GFI1B: variants seen among roughly 807,000 people sequenced by gnomAD.
The protein encoded by GFI1B is growth factor independent 1B transcriptional repressor, also known as zinc finger protein Gfi-1b.
In GFI1B, 20 loss-of-function variants were observed where a neutral mutation model predicts 35.3. That is an observed-to-expected ratio of 0.57 (90% confidence interval 0.40 to 0.82). The LOEUF (loss-of-function observed/expected upper bound fraction) is 0.82, where lower values mean the gene tolerates loss of function less well. Ranked by LOEUF, GFI1B falls within the 40% of genes least tolerant of loss-of-function variation. The probability of loss-of-function intolerance (pLI) is 0.00; values close to 1 mark genes in which losing one functional copy is unlikely to be tolerated. For missense variants in GFI1B, 430 were observed against 446.3 expected (o/e 0.96, Z 0.33); for synonymous variants, 178 against 177.6 (o/e 1.00, Z -0.02).
intron 1 of GFI1B, among the ~76,000 whole-genome samples, chr9:132,964,987 C>T (rs781040481): frequency 3.6e-4 from 55 of 152,112 alleles, no homozygotes; most frequent in Middle Eastern, 3.4e-3. Flanking sequence ...CTTTTGCCTT[C>T]CTTTACCTCC....
intron 1 of GFI1B, among the ~76,000 whole-genome samples, chr9:132,963,112 A>AT (rs1477476017): frequency 6.9e-6 from 1 of 145,172 alleles, no homozygotes; most frequent in Non-Finnish European, 1.5e-5. Flanking sequence ...AAAGGAATCT[A>AT]TTTTTTCTCT....
intron 2 of GFI1B, 129 bp from the exon 3 acceptor site, chr9:132,987,153 C>G: frequency 9.6e-7 from 1 of 1,043,942 alleles, no homozygotes; most frequent in Non-Finnish European, 1.5e-6. Flanking sequence ...GGAGTGTGAG[C>G]CGCCAGAAGC....
At chr9:132,964,432 G>A (rs562738847) in intron 1 of GFI1B, among the ~76,000 whole-genome samples, 23 of 152,236 alleles carry the variant, frequency 1.5e-4, no homozygotes, top group Middle Eastern at 3.4e-3. Flanking sequence ...AATTCAAACT[G>A]AGAATATCAA....
chr9:132,992,708 G>A (rs1167078274), downstream of GFI1B, among the ~76,000 whole-genome samples: 1 of 152,046 alleles, frequency 6.6e-6, no homozygotes, highest in Non-Finnish European at 1.5e-5. Flanking sequence ...CTCTGATACC[G>A]AGCAACTCAG....
intron 1 of GFI1B, among the ~76,000 whole-genome samples, chr9:132,972,550 A>C (rs1266096334): frequency 6.6e-6 from 1 of 152,214 alleles, no homozygotes; most frequent in Non-Finnish European, 1.5e-5. Context: ...TGATGGAGCC[A>C]CTGCACTCCA....
In GFI1B at chr9:132,958,630, A is replaced by G. The variant is rs528556132; in HGVS notation, c.-701+12961A>G. On this transcript the variant is annotated intron_variant, in intron 1 of 10. Coordinates refer to the GFI1B transcript ENST00000339463. ...TCACCTCCCACCAGACCCCACCTCC[A>G]ATATTGGGGATTACATGTCAGCATG... is the stretch of plus-strand genomic sequence containing the variant. Among the ~76,000 whole-genome samples the G allele has an allele frequency of 5.9e-5, 9 of 152,266 alleles. No homozygotes were observed. In the South Asian group the frequency reaches 1.9e-3, roughly 32 times the overall value.
chr9:132,986,632 A>C, intron 1 of GFI1B, 27 bp from the exon 2 acceptor site: 4 of 1,186,470 alleles, frequency 3.4e-6, no homozygotes, highest in Non-Finnish European at 3.7e-6. Flanking sequence ...TGTCCTTCCT[A>C]ACCGCTCCCA....
downstream of GFI1B, among the ~76,000 whole-genome samples, chr9:132,992,007 T>C (rs1204762255): frequency 1.3e-5 from 2 of 152,104 alleles, no homozygotes; most frequent in South Asian, 4.1e-4. Flanking sequence ...TTCTCTTAAA[T>C]TCTAGAGGCC....
At chr9:132,969,707 A>G (rs1334834808) in intron 1 of GFI1B, among the ~76,000 whole-genome samples, 1 of 152,202 alleles carries the variant, frequency 6.6e-6, no homozygotes, top group East Asian at 1.9e-4. Flanking sequence ...CCTGTTTTCC[A>G]AATGAGCTTA....
rs187410245 is a variant in GFI1B at position 132,950,744 on chromosome 9, G to A, written c.-701+5075G>A. 6.8e-5 allele frequency among the ~76,000 whole-genome samples: 9 copies of A among 132,220 alleles called. No individual in the cohort carries two copies. The East Asian group carries it at 1.4e-3, about 21-fold the overall frequency. 86.7% of individuals were successfully genotyped at this position (132,220 alleles called of 152,430 possible). On this transcript the variant is annotated intron_variant, in intron 1 of 10. Coordinates refer to the GFI1B transcript ENST00000339463. ...TATACACTATACACTTTGGGTTTTT[G>A]AGATTTTGTTTAACAATGCCTTTTC...
At chr9:132,976,201 A>ATGAAACCATTAAAGATTTAATGG (rs576142956), upstream of GFI1B, among the ~76,000 whole-genome samples, 28 of 152,332 alleles carry the variant, frequency 1.8e-4, no homozygotes, top group South Asian at 4.1e-4. Context: ...GAGATAAACC[A>ATGAAACCATTAAAGATTTAATGG]TGAAACCATT....
At chr9:132,982,644 C>A (rs1426490055) in intron 1 of GFI1B, among the ~76,000 whole-genome samples, 1 of 151,688 alleles carries the variant, frequency 6.6e-6, no homozygotes, top group East Asian at 1.9e-4. Flanking sequence ...TCATGTCAAT[C>A]AAAACCAAGT....
Position 132,990,889 on chromosome 9 carries a change from T to C in GFI1B, c.832T>C (p.Cys278Arg). 1 of 1,614,208 alleles carries C rather than the reference T, an allele frequency of 6.2e-7. No homozygotes were observed. The highest frequency in any genetic ancestry group is 8.5e-7 in the Non-Finnish European group (1 of 1,180,018). The change falls in exon 7 of 7, where the codon TGC (cysteine) becomes CGC (arginine). Residue 278 changes from cysteine to arginine, a missense_variant. Cys to Arg is a radical substitution (Grantham distance 180). Transcript: ENST00000372122. ...YIHTGEKPHK[C>R]QVCGKAFSQS... is the part of the protein sequence containing the mutation. ...CCCTGCAGGTGAGAAGCCGCACAAG[T>C]GCCAGGTGTGCGGAAAGGCCTTCAG...
At chr9:132,965,584 C>A (rs1848439528) in intron 1 of GFI1B, among the ~76,000 whole-genome samples, 1 of 152,190 alleles carries the variant, frequency 6.6e-6, no homozygotes, top group Non-Finnish European at 1.5e-5. Context: ...TGTCCTGTGT[C>A]CTTGTATAAG....
Position 132,985,182 on chromosome 9 carries a change from G to A in GFI1B, c.-20-1477G>A, listed in dbSNP as rs542632634. Among the ~76,000 whole-genome samples the A allele has an allele frequency of 2.2e-4, 33 of 152,298 alleles. 1 individual carries two copies. In the South Asian group the frequency reaches 4.6e-3, roughly 21 times the overall value. On this transcript the variant is annotated intron_variant, in intron 1 of 6. Transcript: ENST00000372122. ...CCAGAAGATGCTCTCCAGAGTGCCC[G>A]GGGGAACCTCACAGGCTGAGTGCAG...
intron 1 of GFI1B, among the ~76,000 whole-genome samples, chr9:132,982,089 G>A (rs1056091828): frequency 2.0e-5 from 3 of 152,192 alleles, no homozygotes; most frequent in Non-Finnish European, 4.4e-5. Flanking sequence ...AGTCAAAAAG[G>A]TTCTCTGTAG....
At chr9:132,947,865 G>C (rs1437411233) in intron 1 of GFI1B, among the ~76,000 whole-genome samples, 2 of 151,636 alleles carry the variant, frequency 1.3e-5, no homozygotes, top group African/African-American at 4.9e-5. Context: ...TCAGAAGTGA[G>C]GTACAGAAAC....
chr9:132,987,474 T>C (rs1849116893), intron 3 of GFI1B, 55 bp downstream of exon 3: 1 of 1,605,096 alleles, frequency 6.2e-7, no homozygotes, highest in African/African-American at 1.3e-5. Flanking sequence ...GGAGGAAGGA[T>C]GAAGGGACTC....
rs1849072031 is a variant in GFI1B at position 132,986,621 on chromosome 9, T to G, written c.-20-38T>G. The G allele has an allele frequency of 2.9e-6, 3 of 1,032,534 alleles. No homozygotes were observed. In the Admixed American group the frequency reaches 5.8e-5, roughly 20 times the overall value. The allele number at this position is 1,032,534 out of a possible 1,614,324, so 64.0% of individuals were successfully genotyped here. ...TGAGATATGGAGGGGTATTGTTCTCTTGTCCTTCCTAACCGCTCCCATCCC... is the reference window on the plus strand; with the variant it reads ...TGAGATATGGAGGGGTATTGTTCTCGTGTCCTTCCTAACCGCTCCCATCCC... On this transcript the variant is annotated intron_variant, in intron 1 of 6. Transcript: ENST00000372122.
Sources: gnomAD v4.1 joint callset for allele counts (sites outside exome capture counted in the v4.1 genomes callset) on GRCh38, gnomAD v4.1.1 for gene constraint, MANE v1.5 for transcripts, NCBI Gene and HGNC (gene_info 2026-07-23, HGNC 2026-07-21) for gene names.